AKAP6: variants seen among roughly 807,000 people sequenced by gnomAD.
The protein encoded by AKAP6 is A-kinase anchor protein 6.
Under a neutral mutation model 188.5 loss-of-function variants are expected in AKAP6, and 58 were observed. That is an observed-to-expected ratio of 0.31 (90% confidence interval 0.25 to 0.38). The LOEUF is 0.38. AKAP6 is among the 10% of genes least tolerant of loss of function. The pLI is 1.00. For missense variants in AKAP6, 2,710 were observed against 2,740.0 expected (o/e 0.99, Z 0.24); for synonymous variants, 989 against 998.6 (o/e 0.99, Z 0.18).
intron 2 of AKAP6, 116 bp from the exon 3 acceptor site, chr14:32,535,438 T>G (rs1882628120): frequency 3.3e-6 from 4 of 1,230,578 alleles, no homozygotes; most frequent in Admixed American, 4.4e-5. Context: ...GTATCCAATG[T>G]GCTACTGTTG....
intron 1 of AKAP6, chr14:32,373,548 A>G (rs1888075217): frequency 1.3e-5 from 2 of 152,188 alleles, no homozygotes. Flanking sequence ...CATGACTCCT[A>G]AACCATAATT....
intron 1 of AKAP6, among the ~76,000 whole-genome samples, chr14:32,341,037 A>T (rs1444246495): frequency 6.6e-6 from 1 of 152,252 alleles, no homozygotes; most frequent in Non-Finnish European, 1.5e-5. Context: ...TTTATATTTC[A>T]CACTTGTGTG....
intron 7 of AKAP6, among the ~76,000 whole-genome samples, chr14:32,657,069 C>G (rs1295443910): frequency 6.6e-6 from 1 of 152,210 alleles, no homozygotes; most frequent in Middle Eastern, 3.4e-3. Flanking sequence ...GAGAGGTGTC[C>G]TTGCACCTAT....
intron 7 of AKAP6, among the ~76,000 whole-genome samples, chr14:32,605,184 A>T (rs1042741111): frequency 6.6e-5 from 10 of 152,226 alleles, no homozygotes; most frequent in Non-Finnish European, 1.3e-4. Context: ...ATTATAATGG[A>T]TCTGATAAAT....
Position 32,388,543 on chromosome 14 carries a change from G to A in AKAP6, c.-34-44917G>A, listed in dbSNP as rs146127374. ...TTGCTATGACCCAGAGGTTTGGTAG[G>A]TTGTGTCACTATTGTCATTCAGTTT... On this transcript the variant is annotated intron_variant, in intron 1 of 13. Coordinates refer to ENST00000280979, the MANE Select transcript of AKAP6 (RefSeq NM_004274.5). Among the ~76,000 whole-genome samples the A allele has an allele frequency of 8.0e-3, 1,222 of 152,064 alleles. 24 individuals are homozygous for A. The highest frequency in any genetic ancestry group is 0.027 in the African/African-American group (1,137 of 41,496).
intron 11 of AKAP6, among the ~76,000 whole-genome samples, chr14:32,766,729 T>C (rs1008226279): frequency 5.9e-5 from 9 of 152,184 alleles, no homozygotes; most frequent in Non-Finnish European, 1.3e-4. Context: ...GTTTTTCTTT[T>C]CACTTTTCTA....
intron 12 of AKAP6, among the ~76,000 whole-genome samples, chr14:32,799,580 G>A (rs1198879138): frequency 1.3e-5 from 2 of 151,764 alleles, no homozygotes; most frequent in Non-Finnish European, 2.9e-5. Flanking sequence ...GTGTTATTTA[G>A]TAATGTGTTG....
At chr14:32,814,272 A>G (rs142277578) in intron 12 of AKAP6, among the ~76,000 whole-genome samples, 6 of 152,280 alleles carry the variant, frequency 3.9e-5, no homozygotes, top group Non-Finnish European at 8.8e-5. Context: ...GTTCTGTGGC[A>G]TTTAGTAGTT....
chr14:32,443,616 C>A (rs1050127548), intron 2 of AKAP6, among the ~76,000 whole-genome samples: 2 of 152,160 alleles, frequency 1.3e-5, no homozygotes, highest in African/African-American at 4.8e-5. Context: ...TTGTTCCATT[C>A]ATTCTCCCTT....
intron 7 of AKAP6, among the ~76,000 whole-genome samples, chr14:32,603,723 T>G (rs1196411920): frequency 6.6e-6 from 1 of 152,218 alleles, no homozygotes; most frequent in Non-Finnish European, 1.5e-5. Context: ...TCAACTGAAA[T>G]GTTTAAAATA....
rs115961778 is a variant in AKAP6 at position 32,440,549 on chromosome 14, C to T, written c.324+6732C>T. Among the ~76,000 whole-genome samples, 184 of 152,060 alleles carry T rather than the reference C, an allele frequency of 1.2e-3. 2 individuals carry two copies. Among genetic ancestry groups the T allele is most frequent in the African/African-American group, 3.6e-3 (148 of 41,476 alleles). On this transcript the variant is annotated intron_variant, in intron 2 of 13. Transcript: ENST00000280979. ...GTAAAAATGTATTTTTTTGAATCAA[C>T]GCCATAACAGTTTGATAGTGACTGC...
chr14:32,822,405 G>A lies in AKAP6; in HGVS notation c.4592G>A (p.Ser1531Asn). 6.2e-7 allele frequency: 1 copy of A among 1,614,026 alleles called. No homozygotes were observed. The highest frequency in any genetic ancestry group is 1.1e-5 in the South Asian group (1 of 91,080). Residue 1531 changes from serine to asparagine, a missense_variant, in exon 13 of 14, where the codon AGT becomes AAT. By Grantham distance (46) the Ser-to-Asn change is conservative. Transcript: ENST00000280979. ...DVPPHERILA[S>N]ASHEMDRISY... ...CCTCCCCATGAAAGGATTTTGGCAA[G>A]TGCATCTCATGAAATGGATCGCATT... is the stretch of plus-strand genomic sequence containing the variant.
chr14:32,390,652 G>T (rs1309244506), intron 1 of AKAP6, among the ~76,000 whole-genome samples: 1 of 152,122 alleles, frequency 6.6e-6, no homozygotes, highest in Non-Finnish European at 1.5e-5. Flanking sequence ...AGTCTACCAG[G>T]TTCTGGGCTG....
In AKAP6 at chr14:32,824,783, C is replaced by A. The variant is rs1167268019; in HGVS notation, c.*10C>A. On this transcript the variant is annotated 3_prime_UTR_variant, in exon 13 of 14. Coordinates refer to ENST00000280979, the MANE Select transcript of AKAP6 (RefSeq NM_004274.5). ...AAATATGCATAGGTAGAATGTACCC[C>A]CTCCCCAAGCATGAAAATCATCTCA... The A allele has an allele frequency of 1.9e-6, 3 of 1,600,688 alleles. No homozygotes were observed. Among genetic ancestry groups the A allele is most frequent in the Non-Finnish European group, 2.6e-6 (3 of 1,174,508 alleles).
intron 9 of AKAP6, among the ~76,000 whole-genome samples, chr14:32,732,053 AT>A (rs1008285327): frequency 2.6e-5 from 4 of 151,890 alleles, no homozygotes; most frequent in African/African-American, 9.7e-5. Flanking sequence ...TTTATGAATA[AT>A]TTTTTTTCTT....
chr14:32,770,022 A>C (rs990559305), intron 11 of AKAP6, among the ~76,000 whole-genome samples: 1 of 152,244 alleles, frequency 6.6e-6, no homozygotes, highest in Admixed American at 6.5e-5. Flanking sequence ...AGCCAATGTG[A>C]GGAATAATAT....
At chr14:32,617,230 C>A (rs936436669) in intron 7 of AKAP6, among the ~76,000 whole-genome samples, 1 of 152,068 alleles carries the variant, frequency 6.6e-6, no homozygotes, top group Non-Finnish European at 1.5e-5. Flanking sequence ...TCCAAAACGT[C>A]CCAGTTTATC....
intron 1 of AKAP6, among the ~76,000 whole-genome samples, chr14:32,334,515 T>C (rs1321706628): frequency 1.3e-5 from 2 of 152,208 alleles, no homozygotes; most frequent in Non-Finnish European, 2.9e-5. Flanking sequence ...TGGCATATTG[T>C]TACAATTGTT....
chr14:32,826,232 A>G (rs1025530604), intron 13 of AKAP6, among the ~76,000 whole-genome samples: 1 of 152,204 alleles, frequency 6.6e-6, no homozygotes, highest in Non-Finnish European at 1.5e-5. Flanking sequence ...GAAGAAAGGC[A>G]TCCCACTTAC....
Sources: allele counts gnomAD v4.1 joint callset (sites outside exome capture counted in the v4.1 genomes callset), GRCh38; gene constraint gnomAD v4.1.1; transcripts MANE v1.5; gene names NCBI Gene and HGNC (gene_info 2026-07-23, HGNC 2026-07-21).